Variants in NTM observed in about 807,000 individuals in gnomAD.
NTM encodes IgLON family member 2.
In NTM, 13 loss-of-function variants were observed where a neutral mutation model predicts 42.1. That is an observed-to-expected ratio of 0.31 (90% CI 0.20 to 0.49). NTM has a LOEUF of 0.49. Ranked by LOEUF, NTM falls within the 20% of genes least tolerant of loss-of-function variation. The pLI is 0.99. For missense variants in NTM, 373 were observed against 452.8 expected, an observed-to-expected ratio of 0.82 and a Z score of 1.60; for synonymous variants, 187 against 179.2, an observed-to-expected ratio of 1.04 and a Z score of -0.35.
chr11:132,061,120 T>C (rs182533412), intron 2 of NTM, among the ~76,000 whole-genome samples: 1,899 of 152,334 alleles, frequency 0.012, 29 homozygotes, highest in Non-Finnish European at 0.019. Context: ...CCATTCTAGT[T>C]GCAATTTTTG....
chr11:131,430,165 G>C (rs1481635428), intron 1 of NTM, among the ~76,000 whole-genome samples: 1 of 152,178 alleles, frequency 6.6e-6, no homozygotes, highest in Non-Finnish European at 1.5e-5. Context: ...TGGCCATACA[G>C]AATTATTTAA....
chr11:132,234,040 T>C (rs1399924689), intron 4 of NTM, among the ~76,000 whole-genome samples: 3 of 152,240 alleles, frequency 2.0e-5, no homozygotes, highest in African/African-American at 7.2e-5. Flanking sequence ...GCCTCGTCCC[T>C]GACTAGTCAT....
intron 1 of NTM, among the ~76,000 whole-genome samples, chr11:131,632,738 G>A (rs993308723): frequency 1.5e-5 from 2 of 134,062 alleles, no homozygotes; most frequent in Non-Finnish European, 3.0e-5. Flanking sequence ...GCAGTGGCGC[G>A]ATCTCCACTC....
At chr11:131,532,658 C>A (rs774842262) in intron 1 of NTM, among the ~76,000 whole-genome samples, 1 of 152,242 alleles carries the variant, frequency 6.6e-6, no homozygotes, top group Non-Finnish European at 1.5e-5. Flanking sequence ...TCTTCCACAG[C>A]AACTGCACCA....
intron 1 of NTM, among the ~76,000 whole-genome samples, chr11:131,427,772 A>G (rs1025264639): frequency 6.6e-6 from 1 of 152,182 alleles, no homozygotes; most frequent in African/African-American, 2.4e-5. Flanking sequence ...CATTTCTTCA[A>G]CACAGTTGCT....
chr11:131,427,129 G>A (rs1316400306), intron 1 of NTM, among the ~76,000 whole-genome samples: 2 of 151,910 alleles, frequency 1.3e-5, no homozygotes, highest in Non-Finnish European at 1.5e-5. Context: ...CAGCAGTCTC[G>A]CTGTGGCTGT....
At chr11:131,820,855 G>C (rs1368461127) in intron 1 of NTM, among the ~76,000 whole-genome samples, 1 of 152,082 alleles carries the variant, frequency 6.6e-6, no homozygotes, top group Non-Finnish European at 1.5e-5. Context: ...GGATGTTCAG[G>C]GTTTAAGGTG....
At chr11:132,045,137 G>A (rs986719831) in intron 2 of NTM, among the ~76,000 whole-genome samples, 4 of 152,180 alleles carry the variant, frequency 2.6e-5, no homozygotes, top group Non-Finnish European at 4.4e-5. Context: ...CAGTAACAGC[G>A]TTAGTGTTTC....
chr11:131,988,121 T>C (rs1243127077), intron 2 of NTM, among the ~76,000 whole-genome samples: 1 of 152,216 alleles, frequency 6.6e-6, no homozygotes, highest in East Asian at 1.9e-4. Flanking sequence ...TGTCCTCACA[T>C]AGTGGAAGGG....
At chr11:132,181,871 G>A (rs1011657573) in intron 3 of NTM, among the ~76,000 whole-genome samples, 1 of 151,904 alleles carries the variant, frequency 6.6e-6, no homozygotes, top group Non-Finnish European at 1.5e-5. Context: ...GAGACCAGGT[G>A]ACATTCCTAT....
At chr11:132,207,175 A>C (rs1010792778) in intron 3 of NTM, among the ~76,000 whole-genome samples, 19 of 152,196 alleles carry the variant, frequency 1.2e-4, no homozygotes, top group Non-Finnish European at 2.2e-4. Flanking sequence ...GCCACACAGC[A>C]GGAGGTGAGC....
chr11:132,053,238 C>G (rs938580218), intron 2 of NTM, among the ~76,000 whole-genome samples: 1 of 152,128 alleles, frequency 6.6e-6, no homozygotes, highest in African/African-American at 2.4e-5. Context: ...CCAAGGTCAC[C>G]CACCTGACAA....
At chr11:132,080,176 C>A (rs1280436885) in intron 2 of NTM, among the ~76,000 whole-genome samples, 1 of 131,726 alleles carries the variant, frequency 7.6e-6, no homozygotes, top group African/African-American at 3.1e-5. Context: ...TAAGTTTTAT[C>A]ATGAAAGAAT....
chr11:131,917,441 G>A (rs73580756), intron 2 of NTM, among the ~76,000 whole-genome samples: 5,634 of 152,228 alleles, frequency 0.037, 346 homozygotes, highest in African/African-American at 0.13. Context: ...CCACAGATGA[G>A]GTGTGTTGGT....
Position 131,934,121 on chromosome 11 carries a change from G to A in NTM, c.167+22473G>A, listed in dbSNP as rs562669769. Reference sequence around the variant, plus strand: ...TTATGTATAGTTACCATGTGCACGGGGTATACAATTACTGATTTTTAAGAA... The same window carrying A: ...TTATGTATAGTTACCATGTGCACGGAGTATACAATTACTGATTTTTAAGAA... On this transcript the variant is annotated intron_variant, in intron 2 of 8. Transcript: ENST00000683400. Among the ~76,000 whole-genome samples, 5 of 151,960 alleles carry A rather than the reference G, an allele frequency of 3.3e-5. No individual in the cohort carries two copies. The South Asian group carries it at 1.0e-3, about 32-fold the overall frequency.
chr11:131,400,290 C>T (rs911105300), intron 1 of NTM, among the ~76,000 whole-genome samples: 1 of 152,186 alleles, frequency 6.6e-6, no homozygotes, highest in Admixed American at 6.5e-5. Flanking sequence ...TCTGTTCCCA[C>T]TAGCTTTTGT....
chr11:131,588,041 A>C (rs1398228163), intron 1 of NTM, among the ~76,000 whole-genome samples: 2 of 152,244 alleles, frequency 1.3e-5, no homozygotes, highest in East Asian at 1.9e-4. Context: ...AATGATTGTC[A>C]TGTATTGTCT....
chr11:132,137,852 G>A (rs1385474558), intron 2 of NTM, among the ~76,000 whole-genome samples: 3 of 152,152 alleles, frequency 2.0e-5, no homozygotes, highest in Non-Finnish European at 2.9e-5. Context: ...CTGTCCACGC[G>A]ATCCGTGCTG....
intron 3 of NTM, among the ~76,000 whole-genome samples, chr11:132,186,923 C>G (rs1268906520): frequency 1.3e-5 from 2 of 152,154 alleles, no homozygotes; most frequent in Non-Finnish European, 2.9e-5. Context: ...TGGAGTGCCC[C>G]CATGCTCACA....
Sources: allele counts gnomAD v4.1 joint callset (sites outside exome capture counted in the v4.1 genomes callset), GRCh38; gene constraint gnomAD v4.1.1; transcripts MANE v1.5; gene names NCBI Gene and HGNC (gene_info 2026-07-23, HGNC 2026-07-21).